SHISA9: variants seen among roughly 807,000 people sequenced by gnomAD.
SHISA9 encodes the protein shisa family member 9, also known as protein shisa-9.
A neutral mutation model predicts 38.0 loss-of-function variants in SHISA9; 13 were observed. The ratio of observed to expected loss-of-function variants is 0.34; its 90% CI spans 0.22 to 0.54. SHISA9 has a LOEUF of 0.54. Ranked by LOEUF, SHISA9 falls within the 20% of genes least tolerant of loss-of-function variation. The pLI, the probability that SHISA9 is intolerant of heterozygous loss-of-function variation, is 0.91. For missense variants in SHISA9, 538 were observed against 575.8 expected (o/e 0.93, Z 0.67); for synonymous variants, 275 against 242.0 (o/e 1.14, Z -1.27).
chr16:13,501,949 C>T, the SHISA9 span, among the ~76,000 whole-genome samples: 2 of 151,396 alleles, frequency 1.3e-5, no homozygotes, highest in Non-Finnish European at 2.9e-5. Flanking sequence ...TTGCAGTGAG[C>T]CGAGATCGCA....
chr16:13,501,513 T>G, the SHISA9 span, among the ~76,000 whole-genome samples: 1 of 152,190 alleles, frequency 6.6e-6, no homozygotes, highest in Admixed American at 6.5e-5. Context: ...TCAGTACATA[T>G]GACAGCACCC....
intron 2 of SHISA9, among the ~76,000 whole-genome samples, chr16:13,162,841 C>A (rs1818173491): frequency 6.8e-6 from 1 of 147,500 alleles, no homozygotes; most frequent in African/African-American, 2.5e-5. Flanking sequence ...AAAAAAAAAA[C>A]CGATACAAGA....
chr16:13,133,107 T>C (rs927565586), intron 2 of SHISA9, among the ~76,000 whole-genome samples: 1 of 152,104 alleles, frequency 6.6e-6, no homozygotes, highest in Non-Finnish European at 1.5e-5. Context: ...CACAATCTAG[T>C]CCAAGGAGGC....
intron 2 of SHISA9, among the ~76,000 whole-genome samples, chr16:13,144,159 T>C (rs1198881211): frequency 7.1e-6 from 1 of 141,442 alleles, no homozygotes; most frequent in East Asian, 2.0e-4. Flanking sequence ...GGCTAGTTCT[T>C]TTTTTTTTTT....
intron 2 of SHISA9, among the ~76,000 whole-genome samples, chr16:13,076,149 A>C (rs932631211): frequency 1.3e-5 from 2 of 150,326 alleles, no homozygotes; most frequent in African/African-American, 4.9e-5. Flanking sequence ...TCCTGCCTCA[A>C]CCTCCCAAGT....
the SHISA9 span, among the ~76,000 whole-genome samples, chr16:13,422,561 T>G: frequency 6.6e-6 from 1 of 152,138 alleles, no homozygotes. Context: ...CTGGGCATGG[T>G]GGTGCATGCC....
At chr16:13,243,186 G>C (rs958983366), downstream of SHISA9, among the ~76,000 whole-genome samples, 1 of 151,880 alleles carries the variant, frequency 6.6e-6, no homozygotes, top group Non-Finnish European at 1.5e-5. Context: ...TTTGCAGTGA[G>C]CCGAGATCGC....
intron 2 of SHISA9, among the ~76,000 whole-genome samples, chr16:13,090,819 T>G (rs1433623550): frequency 2.0e-5 from 3 of 152,232 alleles, no homozygotes; most frequent in Non-Finnish European, 4.4e-5. Context: ...TTGTTATGTG[T>G]GAATTTGATC....
At chr16:13,502,001 C>CAA in the SHISA9 span, among the ~76,000 whole-genome samples, 40,195 of 128,756 alleles carry the variant, frequency 0.31, 5,975 homozygotes, top group East Asian at 0.4. Context: ...AACTCCGTAT[C>CAA]AAAAAAAAAA....
chr16:13,457,231 G>A, the SHISA9 span, among the ~76,000 whole-genome samples: 3 of 152,164 alleles, frequency 2.0e-5, no homozygotes, highest in East Asian at 1.9e-4. Flanking sequence ...GTTTGAACCC[G>A]GGAGGCAGAG....
At chr16:13,261,582 T>C in the SHISA9 span, among the ~76,000 whole-genome samples, 2 of 152,200 alleles carry the variant, frequency 1.3e-5, no homozygotes, top group African/African-American at 4.8e-5. Context: ...GGAATAAAAT[T>C]TGGGGCATCC....
At chr16:13,250,089 C>G in the SHISA9 span, among the ~76,000 whole-genome samples, 1 of 152,140 alleles carries the variant, frequency 6.6e-6, no homozygotes, top group East Asian at 1.9e-4. Flanking sequence ...CATACCTAGT[C>G]TTTATATTAA....
chr16:13,191,690 T>C (rs1261978503), intron 2 of SHISA9, among the ~76,000 whole-genome samples: 1 of 152,164 alleles, frequency 6.6e-6, no homozygotes, highest in African/African-American at 2.4e-5. Context: ...TCTTATTTCA[T>C]TATGTTGTCC....
At chr16:13,200,440 A>ACACACACACAG (rs201359350) in intron 2 of SHISA9, among the ~76,000 whole-genome samples, 96 of 150,140 alleles carry the variant, frequency 6.4e-4, no homozygotes, top group Admixed American at 2.5e-3. Flanking sequence ...ACACACACAC[A>ACACACACACAG]CAGCAGCAGC....
At chr16:13,259,641 C>G in the SHISA9 span, among the ~76,000 whole-genome samples, 3 of 152,220 alleles carry the variant, frequency 2.0e-5, no homozygotes, top group African/African-American at 7.2e-5. Context: ...CAGTTTTTGA[C>G]TTCTGTGTAT....
the SHISA9 span, among the ~76,000 whole-genome samples, chr16:13,531,578 T>C: frequency 1.3e-5 from 2 of 152,142 alleles, no homozygotes; most frequent in African/African-American, 4.8e-5. Context: ...GAAATTTGAT[T>C]TGACCTTCTG....
At chr16:13,317,737 T>A in the SHISA9 span, among the ~76,000 whole-genome samples, 59 of 152,332 alleles carry the variant, frequency 3.9e-4, no homozygotes, top group African/African-American at 1.3e-3. Context: ...GCTTAATAAA[T>A]GTTGGCAACC....
chr16:13,251,721 G>T, the SHISA9 span, among the ~76,000 whole-genome samples: 1,133 of 151,988 alleles, frequency 7.5e-3, 8 homozygotes, highest in African/African-American at 0.025. Flanking sequence ...TTTTCTTTAG[G>T]ATACTTTCCA....
At chr16:13,414,912 C>T in the SHISA9 span, among the ~76,000 whole-genome samples, 6 of 152,078 alleles carry the variant, frequency 3.9e-5, no homozygotes, top group African/African-American at 9.7e-5. Flanking sequence ...GGATTACAGG[C>T]GTGAGCCACT....
Sources: allele counts gnomAD v4.1 joint callset (sites outside exome capture counted in the v4.1 genomes callset), GRCh38; gene constraint gnomAD v4.1.1; transcripts MANE v1.5; gene names NCBI Gene and HGNC (gene_info 2026-07-23, HGNC 2026-07-21).